Variants in BRF1 observed in about 807,000 individuals in gnomAD.
BRF1 encodes the protein BRF1 general transcription factor IIIB subunit.
In BRF1, 59 loss-of-function variants were observed where a neutral mutation model predicts 81.7. That is an observed-to-expected ratio of 0.72 (90% CI 0.59 to 0.90). The LOEUF (loss-of-function observed/expected upper bound fraction) is 0.90. Among genes scored for constraint, BRF1 ranks in the 40% least tolerant of loss-of-function variants. The pLI is 0.00. For missense variants in BRF1, 1,050 were observed against 936.3 expected (o/e 1.12, Z -1.58); for synonymous variants, 491 against 395.6 (o/e 1.24, Z -2.86).
chr14:105,244,048 C>T (rs2054908621), intron 5 of BRF1, among the ~76,000 whole-genome samples: 1 of 151,812 alleles, frequency 6.6e-6, no homozygotes, highest in South Asian at 2.1e-4. Context: ...GTGGCTCATA[C>T]CTACATTCCT....
At chr14:105,223,351 C>G (rs1892587240) in intron 10 of BRF1, among the ~76,000 whole-genome samples, 1 of 91,184 alleles carries the variant, frequency 1.1e-5, no homozygotes, top group Non-Finnish European at 2.1e-5. Flanking sequence ...TGTCCTCTAA[C>G]AGATGAATGG....
intron 1 of BRF1, among the ~76,000 whole-genome samples, chr14:105,307,974 G>C (rs2058238784): frequency 6.6e-6 from 1 of 152,142 alleles, no homozygotes; most frequent in Admixed American, 6.5e-5. Context: ...CTTGAGCCCA[G>C]GAGTTCGAGA....
intron 5 of BRF1, among the ~76,000 whole-genome samples, chr14:105,251,644 C>G (rs1474254065): frequency 5.9e-5 from 9 of 152,162 alleles, no homozygotes; most frequent in African/African-American, 2.2e-4. Context: ...GCCCGTGTTG[C>G]TCAGTCCTGT....
chr14:105,289,106 A>G (rs1356141803), intron 1 of BRF1, among the ~76,000 whole-genome samples: 1 of 151,236 alleles, frequency 6.6e-6, no homozygotes, highest in Non-Finnish European at 1.5e-5. Flanking sequence ...CAGCACTTTG[A>G]GAGGCTGAGG....
chr14:105,221,497 G>A (rs1056840899), intron 11 of BRF1, 151 bp downstream of exon 11: 2 of 1,111,652 alleles, frequency 1.8e-6, no homozygotes, highest in Admixed American at 3.1e-5. Flanking sequence ...CCCCATTGGG[G>A]GGACTGGTGG....
intron 5 of BRF1, among the ~76,000 whole-genome samples, chr14:105,246,181 CCG>C (rs1339505445): frequency 6.6e-6 from 1 of 152,032 alleles, no homozygotes; most frequent in Admixed American, 6.6e-5. Flanking sequence ...ACCCTCACCA[CCG>C]CACTCCAGCC....
At chr14:105,241,244 G>C (rs2054606133) in intron 6 of BRF1, 21 bp downstream of exon 6, 3 of 1,607,844 alleles carry the variant, frequency 1.9e-6, no homozygotes, top group Non-Finnish European at 2.5e-6. Flanking sequence ...GCATCCCCCA[G>C]GCAGGCAGGG....
intron 2 of BRF1, among the ~76,000 whole-genome samples, chr14:105,282,771 A>G (rs957136215): frequency 5.3e-5 from 8 of 152,088 alleles, no homozygotes. Context: ...CGTCTCTACT[A>G]AAAATACAAA....
intron 3 of BRF1, among the ~76,000 whole-genome samples, chr14:105,257,564 T>C (rs2055943928): frequency 6.6e-6 from 1 of 151,832 alleles, no homozygotes; most frequent in Admixed American, 6.6e-5. Context: ...ACGTGAGCGG[T>C]GAGGCCCGTG....
At chr14:105,283,199 A>T (rs2140459214) in intron 2 of BRF1, among the ~76,000 whole-genome samples, 1 of 152,268 alleles carries the variant, frequency 6.6e-6, no homozygotes, top group South Asian at 2.1e-4. Context: ...AGCAAAAGGG[A>T]CGACTCCGGC....
chr14:105,220,023 G>T, intron 12 of BRF1, 46 bp downstream of exon 12: 1 of 1,601,994 alleles, frequency 6.2e-7, no homozygotes, highest in Non-Finnish European at 8.5e-7. Flanking sequence ...GGGCTGCAGC[G>T]CCCTCCCAAG....
At chr14:105,220,688 T>C (rs1892144441) in intron 11 of BRF1, among the ~76,000 whole-genome samples, 1 of 152,218 alleles carries the variant, frequency 6.6e-6, no homozygotes, top group East Asian at 1.9e-4. Context: ...CTGCACAGCC[T>C]GGAATTGGGA....
Position 105,209,543 on chromosome 14 carries a change from C to A in BRF1, c.*1008G>T. 1 of 702,662 alleles carries A rather than the reference C, an allele frequency of 1.4e-6. No homozygotes were observed. The highest frequency in any genetic ancestry group is 2.6e-6 in the Non-Finnish European group (1 of 384,880). The allele number at this position is 702,662 out of a possible 1,614,324, so 43.5% of individuals were successfully genotyped here. On this transcript the variant is annotated 3_prime_UTR_variant, in exon 18 of 18. Coordinates refer to ENST00000547530, the MANE Select transcript of BRF1 (RefSeq NM_001519.4). ...ACACAGGGTGAAGCCCCCTCGGCCA[C>A]ATCCGGGGCAGCCATGCCAGAGCTG...
In BRF1 at chr14:105,284,023, G is replaced by A. The variant is rs1431753380; in HGVS notation, c.265+2273C>T. ...GACAAAACTGTGGGTAGGACAGGACGGATCCAGTCACTGTGCCAGGTCTTC... is the reference window on the plus strand; with the variant it reads ...GACAAAACTGTGGGTAGGACAGGACAGATCCAGTCACTGTGCCAGGTCTTC... On this transcript the variant is annotated intron_variant, in intron 2 of 17. Transcript: ENST00000547530. The surrounding 1 kb of genome is among the most constrained non-coding windows in gnomAD (Gnocchi z 4.0). Among the ~76,000 whole-genome samples, 1 of 151,756 alleles carries A rather than the reference G, an allele frequency of 6.6e-6. No individual in the cohort carries two copies. The highest frequency in any genetic ancestry group is 1.5e-5 in the Non-Finnish European group (1 of 67,990).
At chr14:105,223,968 T>G (rs138188607) in intron 10 of BRF1, among the ~76,000 whole-genome samples, 39 of 152,330 alleles carry the variant, frequency 2.6e-4, no homozygotes, top group Non-Finnish European at 5.0e-4. Flanking sequence ...CCGCACCCAA[T>G]AGTTTAACGA....
intron 10 of BRF1, among the ~76,000 whole-genome samples, chr14:105,225,647 A>C (rs941686944): frequency 1.5e-5 from 2 of 131,686 alleles, no homozygotes; most frequent in African/African-American, 3.6e-5. Context: ...GGAAACTTAC[A>C]TTCTTTTTTT....
chr14:105,255,458 TGAGGACCA>T (rs772771945), intron 4 of BRF1, among the ~76,000 whole-genome samples: 86 of 152,376 alleles, frequency 5.6e-4, no homozygotes, highest in Middle Eastern at 3.4e-3. Context: ...GGAAAGCCCT[TGAGGACCA>T]GAGGTGGCAG....
At position 105,221,727 on chromosome 14, in the gene BRF1, C is replaced by T. The variant is rs745972201; in HGVS notation, c.1236G>A (p.Leu412=). The part of the protein sequence containing the change: ...GGRPPALGSL[L]DPLPTAASLG... ...GGCTGGCTGCAGTGGGGAGGGGGTC[C>T]AGCAGGGACCCCAGGGCCGGAGGTC... The change falls in exon 11 of 18, where the codon CTG becomes CTA. Residue 412 remains leucine (L), a synonymous_variant. Coordinates refer to ENST00000547530, the MANE Select transcript of BRF1 (RefSeq NM_001519.4). The T allele has an allele frequency of 1.9e-6, 3 of 1,610,474 alleles. No homozygotes were observed. Among genetic ancestry groups the T allele is most frequent in the South Asian group, 1.1e-5 (1 of 90,908 alleles).
chr14:105,313,294 C>T (rs140324261), intron 1 of BRF1, among the ~76,000 whole-genome samples: 1 of 152,248 alleles, frequency 6.6e-6, no homozygotes, highest in Non-Finnish European at 1.5e-5. Flanking sequence ...CACAGACAGC[C>T]TGTCCTCCTG....
Sources: allele counts gnomAD v4.1 joint callset (sites outside exome capture counted in the v4.1 genomes callset), GRCh38; gene constraint gnomAD v4.1.1; non-coding constraint Gnocchi (gnomAD v3.1); transcripts MANE v1.5; gene names NCBI Gene and HGNC (gene_info 2026-07-23, HGNC 2026-07-21).